Variants in TG observed in about 807,000 individuals in gnomAD.
TG encodes the protein thyroid hormones.
A neutral mutation model predicts 324.7 loss-of-function variants in TG; 270 were observed. That is an observed-to-expected ratio of 0.83 (90% confidence interval 0.75 to 0.92). The LOEUF (loss-of-function observed/expected upper bound fraction) is 0.92. Among genes scored for constraint, TG ranks in the 40% least tolerant of loss-of-function variants. TG has a pLI of 0.00. For synonymous variants in TG, 1,401 were observed against 1,327.0 expected (o/e 1.06, Z -1.21); for missense variants, 3,591 against 3,456.4 (o/e 1.04, Z -0.98).
intron 41 of TG, chr8:133,087,963 C>G (rs1303441858): frequency 6.6e-6 from 1 of 152,152 alleles, no homozygotes; most frequent in Non-Finnish European, 1.5e-5. Flanking sequence ...TTGAGTGTAC[C>G]GCAAATTCTT....
Position 132,887,298 on chromosome 8 carries a change from G to A in TG, c.1926G>A (p.Trp642Ter), listed in dbSNP as rs1232452218. 6.2e-7 allele frequency: 1 copy of A among 1,604,970 alleles called. No individual in the cohort carries two copies. Among genetic ancestry groups the A allele is most frequent in the Non-Finnish European group, 8.5e-7 (1 of 1,173,804 alleles). The part of the protein sequence containing the change: ...FSGECWCVNS[W>*]GKELPGSRVR... ...GAGAGTGCTGGTGTGTGAATTCCTG[G>A]GGCAAAGAGCTTCCAGGCTCAAGAG... Residue 642 changes from tryptophan to a stop codon, truncating the protein, a stop_gained, in exon 9 of 48, where the codon TGG becomes TGA. Coordinates refer to ENST00000220616, the MANE Select transcript of TG (RefSeq NM_003235.5). LOFTEE classifies it high-confidence loss of function.
intron 41 of TG, chr8:133,047,425 C>T (rs10093650): frequency 0.03 from 5,936 of 197,216 alleles, 144 homozygotes; most frequent in Middle Eastern, 0.057. Context: ...GAGGTGTTCT[C>T]TCCATTTCAC....
chr8:132,906,480 C>T (rs1351063697), intron 16 of TG, among the ~76,000 whole-genome samples: 1 of 152,038 alleles, frequency 6.6e-6, no homozygotes, highest in African/African-American at 2.4e-5. Flanking sequence ...TCTGTTAAAA[C>T]TGAGAGCAGA....
At chr8:132,887,946 T>G (rs1434145698) in intron 9 of TG, 38 bp from the exon 10 acceptor site, 13 of 1,575,508 alleles carry the variant, frequency 8.3e-6, no homozygotes, top group Non-Finnish European at 1.1e-5. Flanking sequence ...TTTGTTAAAT[T>G]TCTTAAACTG....
chr8:132,887,266 T>C lies in TG; in HGVS notation c.1894T>C (p.Phe632Leu). The change falls in exon 9 of 48, where the codon TTT (phenylalanine) becomes CTT (leucine). Residue 632 changes from phenylalanine (F) to leucine (L), a missense_variant. Phe to Leu is a conservative substitution (Grantham distance 22). Coordinates refer to ENST00000220616, the MANE Select transcript of TG (RefSeq NM_003235.5). ...TEGSYEDVQCFSGECWCVNSW... is the reference protein window; with the variant it reads ...TEGSYEDVQCLSGECWCVNSW... Reference sequence around the variant, plus strand: ...AGGAAGCTATGAGGATGTCCAATGCTTTTCCGGAGAGTGCTGGTGTGTGAA... The same window carrying C: ...AGGAAGCTATGAGGATGTCCAATGCCTTTCCGGAGAGTGCTGGTGTGTGAA... The C allele has an allele frequency of 3.1e-6, 5 of 1,601,938 alleles. No homozygotes were observed. The highest frequency in any genetic ancestry group is 4.3e-6 in the Non-Finnish European group (5 of 1,172,994).
chr8:132,992,166 C>T (rs1832422867), intron 35 of TG, among the ~76,000 whole-genome samples: 2 of 152,260 alleles, frequency 1.3e-5, no homozygotes, highest in South Asian at 2.1e-4. Flanking sequence ...AGGCACTAAG[C>T]ACTGGGGTAC....
At chr8:132,983,720 T>G (rs1199146869) in intron 35 of TG, 3 of 468,518 alleles carry the variant, frequency 6.4e-6, no homozygotes, top group African/African-American at 2.0e-5. Flanking sequence ...TATCGAGTAA[T>G]GACTAGACAC....
intron 10 of TG, among the ~76,000 whole-genome samples, chr8:132,890,320 G>T (rs576495306): frequency 2.6e-5 from 4 of 152,248 alleles, no homozygotes; most frequent in Non-Finnish European, 4.4e-5. Context: ...AGTAGTATGT[G>T]TATATGCCTT....
At chr8:133,057,297 G>A (rs1052196882) in intron 41 of TG, among the ~76,000 whole-genome samples, 5 of 152,110 alleles carry the variant, frequency 3.3e-5, no homozygotes, top group Non-Finnish European at 7.3e-5. Context: ...ACCACAGCGG[G>A]ACTTCCCTAG....
At chr8:132,975,927 G>A (rs1306349241) in intron 34 of TG, among the ~76,000 whole-genome samples, 1 of 152,112 alleles carries the variant, frequency 6.6e-6, no homozygotes, top group Admixed American at 6.5e-5. Context: ...CTTGTGCTGG[G>A]TCTCTCTTAC....
chr8:132,911,430 G>A lies in TG; in HGVS notation c.4056G>A (p.Val1352=), dbSNP rs1376234063. 1.2e-6 allele frequency: 2 copies of A among 1,614,202 alleles called. No homozygotes were observed. Among genetic ancestry groups the A allele is most frequent in the Admixed American group, 1.7e-5 (1 of 60,028 alleles). ...VSIPVCNNSS[V]QVGCLTRERL... ...TTCCTGTCTGCAACAACTCCTCTGTGCAGGTGGGTTGTCTGACCAGGGAGC... is the reference window on the plus strand; with the variant it reads ...TTCCTGTCTGCAACAACTCCTCTGTACAGGTGGGTTGTCTGACCAGGGAGC... Residue 1352 remains valine (V), a synonymous_variant, in exon 19 of 48, where the codon GTG becomes GTA. Coordinates refer to ENST00000220616, the MANE Select transcript of TG (RefSeq NM_003235.5).
At chr8:133,044,386 C>T (rs774153156) in intron 41 of TG, among the ~76,000 whole-genome samples, 1 of 152,070 alleles carries the variant, frequency 6.6e-6, no homozygotes, top group Non-Finnish European at 1.5e-5. Flanking sequence ...GACCTCTCTC[C>T]TGGGTCTGTG....
chr8:132,869,636 A>T (rs1839289419), intron 2 of TG, 93 bp from the exon 3 acceptor site: 3 of 1,128,104 alleles, frequency 2.7e-6, no homozygotes, highest in African/African-American at 3.1e-5. Flanking sequence ...ACTTGCAAGA[A>T]TGGAAATGAA....
chr8:132,995,276 A>G (rs1040463701), intron 35 of TG: 4 of 982,236 alleles, frequency 4.1e-6, no homozygotes, highest in Non-Finnish European at 4.8e-6. Context: ...TATGTGTAAC[A>G]TGCTTAGCCT....
intron 4 of TG, 117 bp from the exon 5 acceptor site, chr8:132,872,945 C>T (rs781113941): frequency 3.5e-5 from 40 of 1,131,628 alleles, no homozygotes; most frequent in South Asian, 2.0e-4. Flanking sequence ...AACCGCCGAA[C>T]GATGCATTTC....
At chr8:132,960,399 A>C (rs2130327301) in intron 27 of TG, among the ~76,000 whole-genome samples, 1 of 152,266 alleles carries the variant, frequency 6.6e-6, no homozygotes, top group South Asian at 2.1e-4. Context: ...GGAACTGAAG[A>C]CTGAGCAGGG....
At chr8:132,986,964 G>A (rs1037773370) in intron 35 of TG, among the ~76,000 whole-genome samples, 1 of 152,012 alleles carries the variant, frequency 6.6e-6, no homozygotes, top group Non-Finnish European at 1.5e-5. Flanking sequence ...TGTTAAAGAT[G>A]CATAAACCAA....
chr8:133,041,628 G>A (rs903391461), intron 41 of TG, among the ~76,000 whole-genome samples: 1 of 152,158 alleles, frequency 6.6e-6, no homozygotes, highest in Admixed American at 6.5e-5. Flanking sequence ...GGGACACTCC[G>A]TGAGTGTCCT....
intron 43 of TG, among the ~76,000 whole-genome samples, chr8:133,098,262 T>G (rs1848730886): frequency 6.6e-6 from 1 of 152,196 alleles, no homozygotes; most frequent in Non-Finnish European, 1.5e-5. Flanking sequence ...AATAGTAAGT[T>G]TAGTTATTTA....
Sources: allele counts gnomAD v4.1 joint callset (sites outside exome capture counted in the v4.1 genomes callset), GRCh38; gene constraint gnomAD v4.1.1; transcripts MANE v1.5; gene names NCBI Gene and HGNC (gene_info 2026-07-23, HGNC 2026-07-21).